The following MGA variants were observed in gnomAD, a reference collection of about 807,000 sequenced individuals.
The protein encoded by MGA is MAX gene-associated protein.
In MGA, 40 loss-of-function variants were observed where a neutral mutation model predicts 261.1. The ratio of observed to expected loss-of-function variants is 0.15; its 90% CI spans 0.12 to 0.20. MGA has a LOEUF of 0.20. MGA is among the 10% of genes least tolerant of loss of function. The probability of loss-of-function intolerance (pLI) is 1.00; values close to 1 mark genes in which losing one functional copy is unlikely to be tolerated. For synonymous variants in MGA, 1,302 were observed against 1,290.6 expected, an observed-to-expected ratio of 1.01 and a Z score of -0.19; for missense variants, 3,397 against 3,630.5, an observed-to-expected ratio of 0.94 and a Z score of 1.65.
rs541411956 is a variant in MGA at position 41,757,642 on chromosome 15, A to G, written c.7140-146A>G. The G allele has an allele frequency of 1.6e-5, 8 of 513,960 alleles. No individual in the cohort carries two copies. In the East Asian group the frequency reaches 2.0e-4, roughly 13 times the overall value. The allele number at this position is 513,960 out of a possible 1,614,324, so 31.8% of individuals were successfully genotyped here. A position where few individuals can be genotyped will look rare whatever the true frequency, so the allele number is the denominator to read the frequency against. Reference sequence around the variant, plus strand: ...ATTTGTACACTTTTAGAGAAAATATATAATGTCAAGTAAATAATGTGGCCA... The same window carrying G: ...ATTTGTACACTTTTAGAGAAAATATGTAATGTCAAGTAAATAATGTGGCCA... On this transcript the variant is annotated intron_variant, in intron 18 of 23. Transcript: ENST00000219905.
chr15:41,757,923 T>TA, intron 19 of MGA, 84 bp downstream of exon 19: 1 of 1,191,022 alleles, frequency 8.4e-7, no homozygotes, highest in Non-Finnish European at 1.2e-6. Context: ...ATTAGCTATA[T>TA]TAGCCACGAT....
At position 41,758,497 on chromosome 15, in the gene MGA, A is replaced by G. The variant is rs558313576; in HGVS notation, c.7191+658A>G. 7.2e-5 allele frequency among the ~76,000 whole-genome samples: 11 copies of G among 152,316 alleles called. No homozygotes were observed. The East Asian group carries it at 2.1e-3, about 29-fold the overall frequency. On this transcript the variant is annotated intron_variant, in intron 19 of 23. Coordinates refer to ENST00000219905, the MANE Select transcript of MGA (RefSeq NM_001164273.2). ...TGATCTGATTTGGGACTTATATGATACAGCGTATTTGCATGGTTGTAATTA... is the reference window on the plus strand; with the variant it reads ...TGATCTGATTTGGGACTTATATGATGCAGCGTATTTGCATGGTTGTAATTA...
intron 15 of MGA, 56 bp from the exon 16 acceptor site, chr15:41,748,581 T>TC: frequency 6.5e-7 from 1 of 1,540,594 alleles, no homozygotes; most frequent in Non-Finnish European, 8.8e-7. Context: ...TACTTTTTTT[T>TC]CCTACGTGTG....
chr15:41,647,182 A>G (rs2056950684), intron 1 of MGA, among the ~76,000 whole-genome samples: 1 of 152,210 alleles, frequency 6.6e-6, no homozygotes, highest in Non-Finnish European at 1.5e-5. Flanking sequence ...AATTGCTTGT[A>G]TGTACCTTAC....
intron 1 of MGA, among the ~76,000 whole-genome samples, chr15:41,628,367 CAAAA>C (rs936932982): frequency 2.1e-5 from 1 of 47,096 alleles, no homozygotes; most frequent in Admixed American, 2.1e-4. Flanking sequence ...ACTCTGTATC[CAAAA>C]AAAAAAAAAA....
chr15:41,700,365 C>G (rs752968128), intron 5 of MGA, among the ~76,000 whole-genome samples: 1 of 152,026 alleles, frequency 6.6e-6, no homozygotes, highest in Non-Finnish European at 1.5e-5. Context: ...AGGTTTTAAG[C>G]CCTGCATGCA....
intron 7 of MGA, 28 bp from the exon 8 acceptor site, chr15:41,710,663 T>C: frequency 6.4e-7 from 1 of 1,562,212 alleles, no homozygotes; most frequent in Non-Finnish European, 8.6e-7. Context: ...TAGATTTCTT[T>C]AAGCATTTTA....
At chr15:41,740,798 G>C (rs1337310475) in intron 14 of MGA, among the ~76,000 whole-genome samples, 1 of 152,164 alleles carries the variant, frequency 6.6e-6, no homozygotes. Context: ...AATTTTGAAA[G>C]TGTTGATTTA....
At chr15:41,650,177 G>A (rs754625989) in intron 1 of MGA, among the ~76,000 whole-genome samples, 1 of 152,178 alleles carries the variant, frequency 6.6e-6, no homozygotes, top group Non-Finnish European at 1.5e-5. Context: ...TCTGATAATT[G>A]ATGGTAAGCT....
chr15:41,629,211 G>C (rs1277084157), intron 1 of MGA, among the ~76,000 whole-genome samples: 1 of 151,980 alleles, frequency 6.6e-6, no homozygotes, highest in Non-Finnish European at 1.5e-5. Flanking sequence ...ATTGAATTCA[G>C]GGCATGTTTT....
rs544549103 is a variant in MGA at position 41,703,470 on chromosome 15, T to C, written c.2189-4258T>C. Among the ~76,000 whole-genome samples the C allele has an allele frequency of 1.7e-3, 264 of 151,714 alleles. 1 individual carries two copies. Among genetic ancestry groups the C allele is most frequent in the Admixed American group, 4.0e-3 (61 of 15,222 alleles). ...ACTTAATGTGCAAGAAGTTATATTGTACCTCCTTGAGTGTAGCCTATCTAT... is the reference window on the plus strand; with the variant it reads ...ACTTAATGTGCAAGAAGTTATATTGCACCTCCTTGAGTGTAGCCTATCTAT... On this transcript the variant is annotated intron_variant, in intron 5 of 23. Transcript: ENST00000219905.
chr15:41,648,605 T>TG (rs1343511672), intron 1 of MGA, among the ~76,000 whole-genome samples: 8 of 152,100 alleles, frequency 5.3e-5, no homozygotes, highest in African/African-American at 1.9e-4. Context: ...TGAAGGTTTG[T>TG]GGGGACTGGA....
chr15:41,631,722 T>C (rs1470164097), intron 1 of MGA, among the ~76,000 whole-genome samples: 3 of 152,042 alleles, frequency 2.0e-5, no homozygotes, highest in Non-Finnish European at 4.4e-5. Flanking sequence ...AATTTAAAAG[T>C]ATGTATTTTC....
intron 1 of MGA, among the ~76,000 whole-genome samples, chr15:41,628,707 G>A (rs560566453): frequency 1.2e-4 from 19 of 152,228 alleles, no homozygotes; most frequent in African/African-American, 4.6e-4. Context: ...AGAATTGGCG[G>A]GGCTCAGATT....
intron 1 of MGA, among the ~76,000 whole-genome samples, chr15:41,661,725 A>G (rs2057415854): frequency 6.6e-6 from 1 of 152,188 alleles, no homozygotes; most frequent in South Asian, 2.1e-4. Context: ...GTCCCTGGTT[A>G]ACAACTGCTT....
At chr15:41,759,077 A>G (rs1432605602) in intron 19 of MGA, among the ~76,000 whole-genome samples, 2 of 152,212 alleles carry the variant, frequency 1.3e-5, no homozygotes, top group African/African-American at 4.8e-5. Context: ...ACAGGTGCTG[A>G]TACCCTCATT....
At chr15:41,704,372 A>G (rs2060001707) in intron 5 of MGA, among the ~76,000 whole-genome samples, 1 of 151,890 alleles carries the variant, frequency 6.6e-6, no homozygotes, top group African/African-American at 2.4e-5. Context: ...TAAATTAGTG[A>G]TTAGCGGCCA....
chr15:41,623,304 G>T (rs939411268), intron 1 of MGA, among the ~76,000 whole-genome samples: 11 of 152,296 alleles, frequency 7.2e-5, no homozygotes, highest in African/African-American at 2.6e-4. Context: ...AGCAACCCTG[G>T]AACACAAGAG....
At chr15:41,765,664 T>C (rs1374409385) in intron 23 of MGA, among the ~76,000 whole-genome samples, 1 of 152,244 alleles carries the variant, frequency 6.6e-6, no homozygotes, top group Admixed American at 6.5e-5. Context: ...CTTTAGGGCT[T>C]CATTTTCTGC....
Sources: gnomAD v4.1 joint callset for allele counts (sites outside exome capture counted in the v4.1 genomes callset) on GRCh38, gnomAD v4.1.1 for gene constraint, MANE v1.5 for transcripts, NCBI Gene and HGNC (gene_info 2026-07-23, HGNC 2026-07-21) for gene names.